Variants in SOX5 observed in about 807,000 individuals in gnomAD.
SOX5 encodes SRY-box transcription factor 5, also known as transcription factor SOX-5.
A neutral mutation model predicts 92.0 loss-of-function variants in SOX5; 9 were observed. The ratio of observed to expected loss-of-function variants is 0.10; its 90% CI spans 0.06 to 0.17. The LOEUF is 0.17. Among genes scored for constraint, SOX5 ranks in the 10% least tolerant of loss-of-function variants. The pLI is 1.00. For synonymous variants in SOX5, 344 were observed against 336.3 expected, an observed-to-expected ratio of 1.02 and a Z score of -0.25; for missense variants, 642 against 944.5, an observed-to-expected ratio of 0.68 and a Z score of 4.20.
intron 1 of SOX5, among the ~76,000 whole-genome samples, chr12:24,535,300 T>C (rs1308478604): frequency 6.6e-6 from 1 of 152,224 alleles, no homozygotes; most frequent in African/African-American, 2.4e-5. Flanking sequence ...AAATACTAAC[T>C]GTAAACATTG....
chr12:24,540,893 A>G (rs1341625103), intron 1 of SOX5, among the ~76,000 whole-genome samples: 1 of 152,202 alleles, frequency 6.6e-6, no homozygotes, highest in Non-Finnish European at 1.5e-5. Context: ...ATGGCTATGT[A>G]TGTGTATTCT....
rs79098857 is a variant in SOX5 at position 23,793,596 on chromosome 12, C to T, written c.482-37872G>A. On this transcript the variant is annotated intron_variant, in intron 3 of 14. Coordinates refer to ENST00000451604, the MANE Select transcript of SOX5 (RefSeq NM_006940.6). ...CTGCAGAATTTGCTGAATTGCTTGA[C>T]GCAAATTTAGGGTAAGCAAGATCAT... is the stretch of plus-strand genomic sequence containing the variant. 8.4e-3 allele frequency among the ~76,000 whole-genome samples: 1,284 copies of T among 152,228 alleles called. 9 individuals are homozygous for T. Among genetic ancestry groups the T allele is most frequent in the Middle Eastern group, 0.027 (8 of 294 alleles).
intron 1 of SOX5, among the ~76,000 whole-genome samples, chr12:24,556,259 TA>T (rs1953770316): frequency 6.6e-6 from 1 of 152,246 alleles, no homozygotes; most frequent in African/African-American, 2.4e-5. Context: ...AAAATACATT[TA>T]TTTTCTGTTT....
chr12:24,295,892 T>C (rs1947171080), intron 2 of SOX5, among the ~76,000 whole-genome samples: 1 of 152,156 alleles, frequency 6.6e-6, no homozygotes, highest in Non-Finnish European at 1.5e-5. Flanking sequence ...GGGTACCTCT[T>C]ATTTGGTGTA....
chr12:23,956,487 G>C (rs533650468), intron 4 of SOX5, among the ~76,000 whole-genome samples: 2 of 152,090 alleles, frequency 1.3e-5, no homozygotes, highest in African/African-American at 4.8e-5. Context: ...TTTCACTCTT[G>C]AGAGTCTAAT....
At chr12:24,155,867 C>T (rs1952112994) in intron 4 of SOX5, among the ~76,000 whole-genome samples, 1 of 152,064 alleles carries the variant, frequency 6.6e-6, no homozygotes, top group South Asian at 2.1e-4. Flanking sequence ...GCATCAGGTC[C>T]TTGAGAGGTT....
intron 4 of SOX5, among the ~76,000 whole-genome samples, chr12:24,143,872 A>G (rs980982282): frequency 1.3e-5 from 2 of 150,710 alleles, no homozygotes; most frequent in African/African-American, 4.9e-5. Context: ...GAGGAGAAGG[A>G]GGAGGAGGAG....
rs527906428 is a variant in SOX5, at chr12:24,362,506, G to A, written c.-174+6057C>T. Among the ~76,000 whole-genome samples, 240 of 152,268 alleles carry A rather than the reference G, an allele frequency of 1.6e-3. 1 individual carries two copies. Among genetic ancestry groups the A allele is most frequent in the African/African-American group, 5.6e-3 (233 of 41,544 alleles). On this transcript the variant is annotated intron_variant, in intron 2 of 4. Transcript: ENST00000446891. ...AGACATTAATACTTAAGAGGGCGTG[G>A]GGAGAGGGAATCAACTGGAACACTC...
intron 5 of SOX5, among the ~76,000 whole-genome samples, chr12:23,739,613 G>T (rs1288430320): frequency 6.6e-6 from 1 of 151,134 alleles, no homozygotes; most frequent in Non-Finnish European, 1.5e-5. Flanking sequence ...TTCTCTGCCA[G>T]CTATATAAGC....
At chr12:23,564,692 G>C (rs1946772303) in intron 10 of SOX5, among the ~76,000 whole-genome samples, 1 of 152,146 alleles carries the variant, frequency 6.6e-6, no homozygotes. Context: ...TAAGATTAAA[G>C]AAAGGAAATA....
At chr12:24,490,969 A>C (rs191107002) in intron 1 of SOX5, among the ~76,000 whole-genome samples, 160 of 152,304 alleles carry the variant, frequency 1.1e-3, no homozygotes, top group African/African-American at 3.7e-3. Flanking sequence ...TCAAAATAAG[A>C]GGTGAGGCAG....
At chr12:24,069,526 C>T (rs186907003) in intron 4 of SOX5, among the ~76,000 whole-genome samples, 6 of 152,218 alleles carry the variant, frequency 3.9e-5, no homozygotes, top group Admixed American at 3.3e-4. Context: ...GAACCAATAT[C>T]GGAAAGAGTC....
chr12:23,691,492 A>C (rs1010991473), intron 6 of SOX5, among the ~76,000 whole-genome samples: 4 of 152,132 alleles, frequency 2.6e-5, no homozygotes, highest in African/African-American at 9.7e-5. Flanking sequence ...TTAGAAACTA[A>C]AATTTCCTGG....
chr12:24,132,345 C>G (rs574613069), intron 4 of SOX5, among the ~76,000 whole-genome samples: 17 of 152,254 alleles, frequency 1.1e-4, no homozygotes, highest in African/African-American at 3.4e-4. Context: ...GGATAACTAA[C>G]CTTTTGTTAA....
intron 3 of SOX5, among the ~76,000 whole-genome samples, chr12:23,788,733 A>G (rs912286308): frequency 2.0e-5 from 3 of 152,008 alleles, no homozygotes; most frequent in African/African-American, 4.8e-5. Context: ...AGAACACAGC[A>G]GAAATTCTAT....
intron 1 of SOX5, among the ~76,000 whole-genome samples, chr12:24,536,870 G>A (rs1951686687): frequency 6.6e-6 from 1 of 152,048 alleles, no homozygotes; most frequent in Non-Finnish European, 1.5e-5. Flanking sequence ...CTATATTAGG[G>A]AAAAAAACAT....
intron 3 of SOX5, among the ~76,000 whole-genome samples, chr12:24,231,126 T>C (rs574594456): frequency 4.6e-5 from 7 of 152,248 alleles, no homozygotes; most frequent in Admixed American, 2.6e-4. Context: ...TTATTTCATA[T>C]TGAAGCTCTT....
intron 2 of SOX5, among the ~76,000 whole-genome samples, chr12:24,323,734 T>C (rs118087529): frequency 0.035 from 5,264 of 152,194 alleles, 139 homozygotes; most frequent in Non-Finnish European, 0.053. Context: ...AGCCCAGATA[T>C]AGCTGGTTCT....
At position 23,664,474 on chromosome 12, in the gene SOX5, G is replaced by A. The variant is rs946700249; in HGVS notation, c.931+970C>T. ...ACTTGCTTTTACTATTTTCCTTCTG[G>A]CCATGGTAAAGATGTTCTGGAAGAT... On this transcript the variant is annotated intron_variant, in intron 7 of 14. Coordinates refer to ENST00000451604, the MANE Select transcript of SOX5 (RefSeq NM_006940.6). Among the ~76,000 whole-genome samples the A allele has an allele frequency of 7.3e-5, 11 of 151,614 alleles. No homozygotes were observed. The East Asian group carries it at 1.9e-3, about 27-fold the overall frequency.
Sources: allele counts gnomAD v4.1 joint callset (sites outside exome capture counted in the v4.1 genomes callset), GRCh38; gene constraint gnomAD v4.1.1; transcripts MANE v1.5; gene names NCBI Gene and HGNC (gene_info 2026-07-23, HGNC 2026-07-21).